HS3ST4: variants seen among roughly 807,000 people sequenced by gnomAD.
HS3ST4 encodes heparan sulfate glucosamine 3-O-sulfotransferase 4.
HS3ST4 carries 17 observed loss-of-function variants against 29.2 expected under a neutral mutation model. The ratio of observed to expected loss-of-function variants is 0.58; its 90% CI spans 0.40 to 0.87. The LOEUF (loss-of-function observed/expected upper bound fraction) is 0.87, where lower values mean the gene tolerates loss of function less well. Among genes scored for constraint, HS3ST4 ranks in the 40% least tolerant of loss-of-function variants. The probability of loss-of-function intolerance (pLI) is 0.00; values close to 1 mark genes in which losing one functional copy is unlikely to be tolerated. For synonymous variants in HS3ST4, 314 were observed against 285.7 expected (o/e 1.10, Z -1.00); for missense variants, 627 against 634.5 (o/e 0.99, Z 0.13).
intron 1 of HS3ST4, among the ~76,000 whole-genome samples, chr16:25,929,376 C>A (rs566040372): frequency 6.7e-6 from 1 of 150,272 alleles, no homozygotes; most frequent in African/African-American, 2.5e-5. Flanking sequence ...AACAAACAAA[C>A]AAAAACAAGA....
intron 1 of HS3ST4, among the ~76,000 whole-genome samples, chr16:25,900,878 T>C (rs1567268152): frequency 6.6e-6 from 1 of 152,270 alleles, no homozygotes; most frequent in East Asian, 1.9e-4. Context: ...TTTAATGTAG[T>C]CCTAGATTAC....
intron 1 of HS3ST4, among the ~76,000 whole-genome samples, chr16:26,060,029 C>T (rs1007825949): frequency 5.3e-5 from 8 of 152,146 alleles, no homozygotes; most frequent in Admixed American, 3.9e-4. Flanking sequence ...CTGCCCGCCC[C>T]GGCCTCTCAA....
chr16:26,102,585 A>T (rs1378827795), intron 1 of HS3ST4, among the ~76,000 whole-genome samples: 1 of 152,144 alleles, frequency 6.6e-6, no homozygotes, highest in Non-Finnish European at 1.5e-5. Context: ...CCCGTTCAAG[A>T]TCGTACGTAC....
At chr16:25,812,658 C>G (rs980289317) in intron 1 of HS3ST4, among the ~76,000 whole-genome samples, 2 of 151,774 alleles carry the variant, frequency 1.3e-5, no homozygotes. Context: ...CCCACTCAAT[C>G]TCATTTAATC....
At chr16:26,130,122 C>T (rs1413981456) in intron 1 of HS3ST4, among the ~76,000 whole-genome samples, 3 of 152,306 alleles carry the variant, frequency 2.0e-5, no homozygotes, top group South Asian at 2.1e-4. Context: ...GAGAGTGTCT[C>T]ATAAACATTT....
intron 1 of HS3ST4, among the ~76,000 whole-genome samples, chr16:25,968,993 T>C (rs1471205619): frequency 6.6e-6 from 1 of 152,146 alleles, no homozygotes; most frequent in Non-Finnish European, 1.5e-5. Flanking sequence ...CTAATTTTTG[T>C]AATTTTAGCA....
At chr16:26,055,121 C>T (rs1359687129) in intron 1 of HS3ST4, among the ~76,000 whole-genome samples, 1 of 151,288 alleles carries the variant, frequency 6.6e-6, no homozygotes. Context: ...TTTCTATCCT[C>T]CAAGATTGCT....
chr16:25,812,159 AACC>A (rs1477459027), intron 1 of HS3ST4, among the ~76,000 whole-genome samples: 1 of 152,220 alleles, frequency 6.6e-6, no homozygotes, highest in African/African-American at 2.4e-5. Context: ...GATCATTTCT[AACC>A]AGCTCCTAGG....
Position 25,734,202 on chromosome 16 carries a change from G to A in HS3ST4, c.734+41051G>A, listed in dbSNP as rs919920158. On this transcript the variant is annotated intron_variant, in intron 1 of 1. Transcript: ENST00000331351. ...TCTTTTCTGGCTATGTGTGCAATAT[G>A]GGTTCAGTTTTGCCAGAACATCCAT... Among the ~76,000 whole-genome samples, 31 of 152,180 alleles carry A rather than the reference G, an allele frequency of 2.0e-4. 1 individual carries two copies. Among genetic ancestry groups the A allele is most frequent in the Non-Finnish European group, 4.4e-5 (3 of 68,038 alleles).
At chr16:25,846,056 C>T (rs1967463297) in intron 1 of HS3ST4, among the ~76,000 whole-genome samples, 1 of 152,112 alleles carries the variant, frequency 6.6e-6, no homozygotes, top group Non-Finnish European at 1.5e-5. Flanking sequence ...AATGAGAAGC[C>T]TAGAGGTAGG....
Position 26,107,266 on chromosome 16 carries a change from T to C in HS3ST4, c.735-28346T>C, listed in dbSNP as rs766435143. ...ACACAAAACTACACACACACACACA[T>C]ATATATGTAGTTTTATGTATGTTTA... On this transcript the variant is annotated intron_variant, in intron 1 of 1. Transcript: ENST00000331351. Among the ~76,000 whole-genome samples, 3 of 151,952 alleles carry C rather than the reference T, an allele frequency of 2.0e-5. No individual in the cohort carries two copies. In the South Asian group the frequency reaches 6.3e-4, roughly 32 times the overall value.
chr16:26,112,260 G>A (rs1899142256), intron 1 of HS3ST4, among the ~76,000 whole-genome samples: 1 of 151,570 alleles, frequency 6.6e-6, no homozygotes, highest in Non-Finnish European at 1.5e-5. Context: ...ATGTGTGTGT[G>A]TGTGTGTGTG....
intron 1 of HS3ST4, among the ~76,000 whole-genome samples, chr16:25,893,098 G>A (rs189957950): frequency 3.6e-4 from 55 of 152,246 alleles, no homozygotes; most frequent in African/African-American, 1.3e-3. Context: ...TGTGGATGTG[G>A]GGAATGGTGT....
intron 1 of HS3ST4, among the ~76,000 whole-genome samples, chr16:25,978,514 G>T (rs1044027857): frequency 1.3e-5 from 2 of 152,222 alleles, no homozygotes; most frequent in African/African-American, 2.4e-5. Flanking sequence ...ACCAACCTCT[G>T]GTCTAGACCA....
intron 1 of HS3ST4, among the ~76,000 whole-genome samples, chr16:25,909,760 G>A (rs936461203): frequency 2.0e-5 from 3 of 152,188 alleles, no homozygotes; most frequent in East Asian, 1.9e-4. Flanking sequence ...TGCAAAATTA[G>A]GCAAATTGTC....
intron 1 of HS3ST4, among the ~76,000 whole-genome samples, chr16:25,853,354 T>G (rs1397212490): frequency 6.6e-6 from 1 of 151,950 alleles, no homozygotes; most frequent in East Asian, 1.9e-4. Flanking sequence ...AGAGACAATT[T>G]AACTTCTTTT....
chr16:25,857,285 C>G (rs1286872419), intron 1 of HS3ST4, among the ~76,000 whole-genome samples: 1 of 152,136 alleles, frequency 6.6e-6, no homozygotes, highest in Non-Finnish European at 1.5e-5. Flanking sequence ...AACTGTCTCT[C>G]CTAATTATAA....
chr16:25,890,490 T>A (rs1168846033), intron 1 of HS3ST4, among the ~76,000 whole-genome samples: 5 of 152,220 alleles, frequency 3.3e-5, no homozygotes, highest in African/African-American at 9.6e-5. Context: ...AAGGACCATC[T>A]TTATTTCCTA....
At chr16:26,095,020 G>T (rs1465804036) in intron 1 of HS3ST4, among the ~76,000 whole-genome samples, 36 of 152,146 alleles carry the variant, frequency 2.4e-4, no homozygotes, top group Non-Finnish European at 4.4e-5. Flanking sequence ...GACAAAGAAG[G>T]CCATTACATA....
Sources: allele counts gnomAD v4.1 joint callset (sites outside exome capture counted in the v4.1 genomes callset), GRCh38; gene constraint gnomAD v4.1.1; transcripts MANE v1.5; gene names NCBI Gene and HGNC (gene_info 2026-07-23, HGNC 2026-07-21).